Variants in LRP1B observed in about 807,000 individuals in gnomAD.
The protein encoded by LRP1B is LDL receptor related protein 1B.
In LRP1B, 217 loss-of-function variants were observed where a neutral mutation model predicts 556.6. That is an observed-to-expected ratio of 0.39 (90% CI 0.35 to 0.44). The LOEUF (loss-of-function observed/expected upper bound fraction) is 0.44. Among genes scored for constraint, LRP1B ranks in the 20% least tolerant of loss-of-function variants. LRP1B has a pLI of 1.00. For synonymous variants in LRP1B, 2,047 were observed against 1,865.8 expected (o/e 1.10, Z -2.50); for missense variants, 5,053 against 5,620.8 (o/e 0.90, Z 3.23).
intron 45 of LRP1B, among the ~76,000 whole-genome samples, chr2:140,539,712 A>T (rs1320919058): frequency 6.6e-6 from 1 of 152,152 alleles, no homozygotes; most frequent in Non-Finnish European, 1.5e-5. Flanking sequence ...ATGGCATCAG[A>T]TCCAGACCAT....
Position 140,702,299 on chromosome 2 carries a change from A to G in LRP1B, c.6151-7T>C, listed in dbSNP as rs771024065. ...ACCAGTACAATTTATTTTCCTAAATATCGATTAAGAAGTAACGTTACAGAC... is the reference window on the plus strand; with the variant it reads ...ACCAGTACAATTTATTTTCCTAAATGTCGATTAAGAAGTAACGTTACAGAC... On this transcript the variant is annotated splice_polypyrimidine_tract_variant and splice_region_variant and intron_variant, in intron 38 of 90. Coordinates refer to ENST00000389484, the MANE Select transcript of LRP1B (RefSeq NM_018557.3). The G allele has an allele frequency of 6.2e-7, 1 of 1,612,826 alleles. No homozygotes were observed. The highest frequency in any genetic ancestry group is 8.5e-7 in the Non-Finnish European group (1 of 1,179,368).
intron 1 of LRP1B, among the ~76,000 whole-genome samples, chr2:141,892,148 C>T (rs779309353): frequency 2.0e-5 from 3 of 151,276 alleles, no homozygotes; most frequent in Non-Finnish European, 4.4e-5. Flanking sequence ...TAAATTATTC[C>T]ACTGGAAATA....
rs1486985607 is a variant in LRP1B at position 141,736,536 on chromosome 2, A to T, written c.205+73743T>A. ...ACATGAAGCTAGTGGCCGAGACTCA[A>T]AGTATGCTGTCACAAGCCAAGGTGT... On this transcript the variant is annotated intron_variant, in intron 2 of 90. Transcript: ENST00000389484. Among the ~76,000 whole-genome samples, 3 of 152,116 alleles carry T rather than the reference A, an allele frequency of 2.0e-5. No individual in the cohort carries two copies. In the East Asian group the frequency reaches 5.8e-4, roughly 29 times the overall value.
intron 74 of LRP1B, 96 bp downstream of exon 74, chr2:140,357,883 G>A (rs1682306023): frequency 7.2e-7 from 1 of 1,394,976 alleles, no homozygotes; most frequent in Non-Finnish European, 9.8e-7. Flanking sequence ...AGCATACTTT[G>A]AAGAGCAATA....
chr2:140,524,934 A>G (rs1690367092), intron 49 of LRP1B, among the ~76,000 whole-genome samples: 1 of 151,900 alleles, frequency 6.6e-6, no homozygotes, highest in Non-Finnish European at 1.5e-5. Context: ...TGTCCACTCT[A>G]AGTGTAAAAT....
intron 3 of LRP1B, among the ~76,000 whole-genome samples, chr2:141,283,633 T>C (rs1573752082): frequency 6.7e-6 from 1 of 149,520 alleles, no homozygotes; most frequent in African/African-American, 2.5e-5. Context: ...TTTTTTTTTT[T>C]TTTTTGAGAC....
At chr2:141,807,544 A>G (rs1696204661) in intron 2 of LRP1B, among the ~76,000 whole-genome samples, 1 of 152,128 alleles carries the variant, frequency 6.6e-6, no homozygotes, top group Non-Finnish European at 1.5e-5. Flanking sequence ...ATCAAATGTT[A>G]TTGGAGAGGA....
intron 47 of LRP1B, among the ~76,000 whole-genome samples, chr2:140,529,116 T>C (rs1690567939): frequency 1.3e-5 from 2 of 152,088 alleles, no homozygotes; most frequent in South Asian, 4.2e-4. Flanking sequence ...AAAGTAAGCT[T>C]ATGAAACATG....
intron 86 of LRP1B, among the ~76,000 whole-genome samples, chr2:140,263,598 G>C (rs1682047324): frequency 6.6e-6 from 1 of 152,070 alleles, no homozygotes; most frequent in South Asian, 2.1e-4. Context: ...CATAGTCTCT[G>C]CTAAATGTAA....
intron 3 of LRP1B, among the ~76,000 whole-genome samples, chr2:141,326,148 T>C (rs1001841628): frequency 6.6e-6 from 1 of 152,158 alleles, no homozygotes; most frequent in African/African-American, 2.4e-5. Context: ...ACTGAGCTTG[T>C]CATCTGTGGC....
intron 84 of LRP1B, among the ~76,000 whole-genome samples, chr2:140,280,554 T>C (rs775424183): frequency 9.2e-5 from 14 of 151,906 alleles, no homozygotes; most frequent in Non-Finnish European, 1.6e-4. Flanking sequence ...TGTGCCTTAT[T>C]GTATACTAGG....
chr2:141,615,547 A>G (rs2105328394), intron 2 of LRP1B, among the ~76,000 whole-genome samples: 1 of 141,004 alleles, frequency 7.1e-6, no homozygotes, highest in East Asian at 2.4e-4. Context: ...CAAATGATTT[A>G]TAAAATTTTA....
intron 1 of LRP1B, among the ~76,000 whole-genome samples, chr2:141,852,785 G>A (rs935315959): frequency 1.3e-5 from 2 of 150,496 alleles, no homozygotes; most frequent in Admixed American, 6.6e-5. Flanking sequence ...ACTACAAATG[G>A]GTCAAAGTTT....
intron 1 of LRP1B, among the ~76,000 whole-genome samples, chr2:141,989,482 A>G (rs1255350543): frequency 1.3e-5 from 2 of 152,064 alleles, no homozygotes; most frequent in Non-Finnish European, 2.9e-5. Flanking sequence ...ATTTTTATAT[A>G]TATGTCAGTT....
chr2:141,458,109 C>G (rs1559080910), intron 3 of LRP1B, among the ~76,000 whole-genome samples: 1 of 151,996 alleles, frequency 6.6e-6, no homozygotes, highest in Non-Finnish European at 1.5e-5. Flanking sequence ...GAAATGAAAG[C>G]CATGTCAATC....
intron 3 of LRP1B, among the ~76,000 whole-genome samples, chr2:141,448,783 A>G (rs1681297924): frequency 6.6e-6 from 1 of 152,066 alleles, no homozygotes; most frequent in Non-Finnish European, 1.5e-5. Flanking sequence ...GAAATGCAGA[A>G]ATCACCCACC....
At chr2:141,065,734 T>A (rs548399949) in intron 7 of LRP1B, among the ~76,000 whole-genome samples, 3 of 151,844 alleles carry the variant, frequency 2.0e-5, no homozygotes, top group Non-Finnish European at 4.4e-5. Flanking sequence ...CAAAAAGGAA[T>A]TTCAATGGTG....
At chr2:141,149,843 C>G (rs1190104349) in intron 7 of LRP1B, among the ~76,000 whole-genome samples, 1 of 152,192 alleles carries the variant, frequency 6.6e-6, no homozygotes, top group Admixed American at 6.5e-5. Context: ...ATCAGTCAAA[C>G]AAAGTAGTAT....
intron 5 of LRP1B, among the ~76,000 whole-genome samples, chr2:141,243,995 CTT>C (rs1683979034): frequency 6.6e-6 from 1 of 152,118 alleles, no homozygotes; most frequent in Admixed American, 6.6e-5. Flanking sequence ...AATCAATTAA[CTT>C]AGATTAATTT....
Sources: gnomAD v4.1 joint callset for allele counts (sites outside exome capture counted in the v4.1 genomes callset) on GRCh38, gnomAD v4.1.1 for gene constraint, MANE v1.5 for transcripts, NCBI Gene and HGNC (gene_info 2026-07-23, HGNC 2026-07-21) for gene names.